PTPRD: variants seen among roughly 807,000 people sequenced by gnomAD.
The protein encoded by PTPRD is receptor-type tyrosine-protein phosphatase delta.
A neutral mutation model predicts 214.5 loss-of-function variants in PTPRD; 34 were observed. The ratio of observed to expected loss-of-function variants is 0.16; its 90% confidence interval spans 0.12 to 0.21. PTPRD has a LOEUF of 0.21. Ranked by LOEUF, PTPRD falls within the 10% of genes least tolerant of loss-of-function variation. PTPRD has a pLI of 1.00. For missense variants in PTPRD, 2,545 were observed against 2,398.7 expected, an observed-to-expected ratio of 1.06 and a Z score of -1.27; for synonymous variants, 1,128 against 845.7, an observed-to-expected ratio of 1.33 and a Z score of -5.79.
intron 9 of PTPRD, among the ~76,000 whole-genome samples, chr9:9,240,220 G>A (rs10977604): frequency 2.6e-5 from 4 of 152,056 alleles, no homozygotes; most frequent in Admixed American, 6.6e-5. Context: ...AAACTTTAAA[G>A]TGAAATTAAG....
chr9:10,542,118 A>C (rs1237615425), intron 2 of PTPRD, among the ~76,000 whole-genome samples: 1 of 152,154 alleles, frequency 6.6e-6, no homozygotes, highest in African/African-American at 2.4e-5. Flanking sequence ...GACTAATAAA[A>C]GACTTCAGAT....
intron 4 of PTPRD, among the ~76,000 whole-genome samples, chr9:10,026,370 G>A (rs527898853): frequency 6.6e-6 from 1 of 152,226 alleles, no homozygotes; most frequent in South Asian, 2.1e-4. Flanking sequence ...AAATAACCAT[G>A]GGACTGGAAA....
intron 5 of PTPRD, among the ~76,000 whole-genome samples, chr9:9,802,943 T>C (rs942628157): frequency 2.0e-5 from 3 of 151,910 alleles, no homozygotes; most frequent in African/African-American, 7.2e-5. Flanking sequence ...ATACTAATTA[T>C]ATTAATTTTA....
chr9:8,716,437 A>C (rs1026201760), intron 12 of PTPRD, among the ~76,000 whole-genome samples: 2 of 152,204 alleles, frequency 1.3e-5, no homozygotes, highest in African/African-American at 2.4e-5. Context: ...AATCAGCCCA[A>C]ATGTTTGCTG....
At chr9:10,317,325 G>A (rs2096461100) in intron 3 of PTPRD, among the ~76,000 whole-genome samples, 1 of 151,954 alleles carries the variant, frequency 6.6e-6, no homozygotes, top group South Asian at 2.1e-4. Context: ...TAATGATAAT[G>A]TGAAACCATG....
At chr9:9,735,597 C>G (rs2098278659) in intron 6 of PTPRD, among the ~76,000 whole-genome samples, 1 of 152,162 alleles carries the variant, frequency 6.6e-6, no homozygotes, top group South Asian at 2.1e-4. Context: ...TAATTGGTAA[C>G]AAATCATCCC....
chr9:9,545,761 T>C (rs2078653101), intron 8 of PTPRD, among the ~76,000 whole-genome samples: 1 of 151,824 alleles, frequency 6.6e-6, no homozygotes, highest in Non-Finnish European at 1.5e-5. Context: ...TCCAACTTTG[T>C]TCATTATTGG....
In PTPRD at chr9:10,331,007, T is replaced by C. The variant is rs138723640; in HGVS notation, c.-545+9956A>G. ...TCCTTGTGGATTTCAGTTTTGTCCT[T>C]GTTCTCCTCTACTTCACAATCATTC... On this transcript the variant is annotated intron_variant, in intron 3 of 45. Transcript: ENST00000381196. Among the ~76,000 whole-genome samples, 7 of 151,944 alleles carry C rather than the reference T, an allele frequency of 4.6e-5. No homozygotes were observed. The East Asian group carries it at 1.2e-3, about 25-fold the overall frequency.
intron 5 of PTPRD, among the ~76,000 whole-genome samples, chr9:9,866,671 G>A (rs2064036177): frequency 1.3e-5 from 2 of 152,136 alleles, no homozygotes; most frequent in East Asian, 1.9e-4. Context: ...CTTCTATTGA[G>A]ATTTCTGGGT....
intron 5 of PTPRD, among the ~76,000 whole-genome samples, chr9:9,931,033 C>T (rs2086306337): frequency 6.6e-6 from 1 of 151,992 alleles, no homozygotes; most frequent in Non-Finnish European, 1.5e-5. Context: ...TGTATTATAA[C>T]TTGATTTTAA....
chr9:8,954,537 A>AT (rs2099121154), intron 11 of PTPRD, among the ~76,000 whole-genome samples: 1 of 151,492 alleles, frequency 6.6e-6, no homozygotes, highest in African/African-American at 2.4e-5. Context: ...TAAACATGGA[A>AT]AAAAAAAGGC....
Position 10,547,454 on chromosome 9 carries a change from G to C in PTPRD, c.-600+64944C>G, listed in dbSNP as rs1482217612. Among the ~76,000 whole-genome samples the C allele has an allele frequency of 4.0e-5, 6 of 151,810 alleles. No individual in the cohort carries two copies. The South Asian group carries it at 1.2e-3, about 31-fold the overall frequency. On this transcript the variant is annotated intron_variant, in intron 2 of 45. Transcript: ENST00000381196. Reference sequence around the variant, plus strand: ...AGTCTGTGAAAAACATTAGTCTTTTGATACCTTCTCAGATGTGAAAGCATT... The same window carrying C: ...AGTCTGTGAAAAACATTAGTCTTTTCATACCTTCTCAGATGTGAAAGCATT...
intron 12 of PTPRD, among the ~76,000 whole-genome samples, chr9:8,721,596 A>C (rs1351865734): frequency 6.6e-6 from 1 of 152,172 alleles, no homozygotes; most frequent in Admixed American, 6.5e-5. Context: ...AATAATGGCT[A>C]ATGTTTATTT....
chr9:8,452,425 G>A (rs141070699), intron 33 of PTPRD, among the ~76,000 whole-genome samples: 6 of 152,126 alleles, frequency 3.9e-5, no homozygotes, highest in East Asian at 1.9e-4. Flanking sequence ...GTTTTAAAAC[G>A]TTGTCATAAA....
At chr9:9,907,632 C>A (rs2153820694) in intron 5 of PTPRD, among the ~76,000 whole-genome samples, 1 of 152,100 alleles carries the variant, frequency 6.6e-6, no homozygotes, top group East Asian at 1.9e-4. Flanking sequence ...CGAATAAAGT[C>A]ACATTGGGGA....
chr9:8,341,652 T>C (rs1219838301), intron 40 of PTPRD, 41 bp downstream of exon 40: 1 of 1,597,628 alleles, frequency 6.3e-7, no homozygotes, highest in Non-Finnish European at 8.5e-7. Flanking sequence ...AAACCCAGAA[T>C]GACTTGCTCC....
At chr9:9,976,887 C>T (rs1426932573) in intron 4 of PTPRD, among the ~76,000 whole-genome samples, 4 of 151,904 alleles carry the variant, frequency 2.6e-5, no homozygotes, top group South Asian at 4.2e-4. Flanking sequence ...TAACTCTTTA[C>T]TCACAACAAA....
intron 7 of PTPRD, among the ~76,000 whole-genome samples, chr9:9,698,019 A>G (rs1237489018): frequency 2.0e-5 from 3 of 152,144 alleles, no homozygotes; most frequent in Non-Finnish European, 4.4e-5. Flanking sequence ...TCTCTGTTAA[A>G]TTTCCCTGAT....
chr9:9,916,796 T>C (rs554512926), intron 5 of PTPRD, among the ~76,000 whole-genome samples: 4 of 152,114 alleles, frequency 2.6e-5, no homozygotes, highest in Admixed American at 2.0e-4. Flanking sequence ...CATCAGCACA[T>C]GGAACATTCT....
Sources: gnomAD v4.1 joint callset for allele counts (sites outside exome capture counted in the v4.1 genomes callset) on GRCh38, gnomAD v4.1.1 for gene constraint, MANE v1.5 for transcripts, NCBI Gene and HGNC (gene_info 2026-07-23, HGNC 2026-07-21) for gene names.